Variants in GANAB observed in about 807,000 individuals in gnomAD.
GANAB encodes the protein neutral alpha-glucosidase AB.
GANAB carries 35 observed loss-of-function variants against 129.9 expected under a neutral mutation model. The observed-to-expected ratio is 0.27, with a 90% CI of 0.21 to 0.36. The LOEUF (loss-of-function observed/expected upper bound fraction) is 0.36, where lower values mean the gene tolerates loss of function less well. GANAB is among the 10% of genes least tolerant of loss of function. GANAB has a pLI of 1.00. For missense variants in GANAB, 939 were observed against 1,221.0 expected (o/e 0.77, Z 3.44); for synonymous variants, 482 against 451.8 (o/e 1.07, Z -0.85).
At chr11:62,639,984 C>T in intron 1 of GANAB, 1 of 434,028 alleles carries the variant, frequency 2.3e-6, no homozygotes, top group African/African-American at 2.0e-5. Flanking sequence ...TCCTGTAATC[C>T]CAGCACTTTG....
Position 62,638,995 on chromosome 11 carries a change from G to A in GANAB, c.368C>T (p.Pro123Leu), listed in dbSNP as rs1944093961. 2 of 1,613,772 alleles carry A rather than the reference G, an allele frequency of 1.2e-6. No homozygotes were observed. Among genetic ancestry groups the A allele is most frequent in the South Asian group, 2.2e-5 (2 of 91,056 alleles). The change falls in exon 4 of 24, where the codon CCA (proline) becomes CTA (leucine). Residue 123 changes from proline to leucine, a missense_variant. Physicochemically the swap from Pro to Leu is moderately conservative, Grantham distance 98 (BLOSUM62 -3). Around this residue, in one of 5 missense-constraint regions of GANAB, gnomAD observed 321 missense variants for 329.1 expected, o/e 0.98. Transcript: ENST00000356638. ...AGGAAAAATTTACCGGGCTATTGGT[G>A]GATCAGCCACCAAAACATCTGGTAC... is the stretch of plus-strand genomic sequence containing the variant. Reference protein sequence around the residue: ...YRVPDVLVADPPIARLSVSGR... With the variant: ...YRVPDVLVADLPIARLSVSGR...
At chr11:62,640,532 C>CAA (rs1944198868) in intron 1 of GANAB, among the ~76,000 whole-genome samples, 3 of 18,388 alleles carry the variant, frequency 1.6e-4, no homozygotes, top group South Asian at 3.4e-3. Flanking sequence ...GACTCCATCT[C>CAA]CAAAAAAAAA....
chr11:62,635,121 G>A, intron 4 of GANAB, 121 bp from the exon 5 acceptor site: 2 of 628,512 alleles, frequency 3.2e-6, no homozygotes, highest in Non-Finnish European at 5.6e-6. Context: ...AACAGAGCAG[G>A]GATAGACAAG....
At chr11:62,645,205 C>T (rs1440646559) in intron 1 of GANAB, among the ~76,000 whole-genome samples, 1 of 152,164 alleles carries the variant, frequency 6.6e-6, no homozygotes, top group Non-Finnish European at 1.5e-5. Context: ...TGGCCACTGA[C>T]CCACGTCCAC....
At chr11:62,631,002 G>A (rs1250977499) in intron 10 of GANAB, 28 bp downstream of exon 10, 2 of 1,585,326 alleles carry the variant, frequency 1.3e-6, no homozygotes, top group South Asian at 1.1e-5. Flanking sequence ...GAAAAGAGCA[G>A]AAGAATGAGG....
At position 62,639,242 on chromosome 11, in the gene GANAB, TAAAGTA is replaced by T. The variant is rs1565107561; in HGVS notation, c.252+111_252+116del. 2.3e-6 allele frequency: 3 copies of T among 1,313,408 alleles called. No homozygotes were observed. In the African/African-American group the frequency reaches 4.4e-5, roughly 19 times the overall value. 81.4% of individuals were successfully genotyped at this position (1,313,408 alleles called of 1,614,324 possible). Reference sequence around the variant, plus strand: ...TAAAGGCCAAGATCACATTTCTTCATAAAGTAAAAGTCCAAAGATTAGGCTGGGACA... The same window carrying T: ...TAAAGGCCAAGATCACATTTCTTCATAAAGTCCAAAGATTAGGCTGGGACA... On this transcript the variant is annotated intron_variant, in intron 3 of 23. Coordinates refer to ENST00000356638, the MANE Select transcript of GANAB (RefSeq NM_198334.3).
Position 62,629,822 on chromosome 11 carries a change from G to A in GANAB, c.1729C>T (p.Leu577Phe). Residue 577 changes from leucine (L) to phenylalanine (F), a missense_variant, in exon 14 of 24, where the codon CTT becomes TTT. This residue lies in a region of GANAB where 147 missense variants were observed against 282.4 expected (regional missense o/e 0.52). Coordinates refer to ENST00000356638, the MANE Select transcript of GANAB (RefSeq NM_198334.3). ...EHRDVHNIYG[L>F]YVHMATADGL... Reference sequence around the variant, plus strand: ...CTCTCTCAGGCCCTTACCACATAAAGGCCATAGATGTTATGCACATCCCGG... The same window carrying A: ...CTCTCTCAGGCCCTTACCACATAAAAGCCATAGATGTTATGCACATCCCGG... The A allele has an allele frequency of 6.2e-7, 1 of 1,614,186 alleles. No individual in the cohort carries two copies. Among genetic ancestry groups the A allele is most frequent in the Non-Finnish European group, 8.5e-7 (1 of 1,180,030 alleles).
chr11:62,625,969 T>C lies in GANAB; in HGVS notation c.2726-45A>G, dbSNP rs145162136. On this transcript the variant is annotated intron_variant, in intron 23 of 23. Coordinates refer to ENST00000356638, the MANE Select transcript of GANAB (RefSeq NM_198334.3). ...GTGCCATAGTCATACCAATGGGCTATAGCATAACAACAACGTTCCTACAGG... is the reference window on the plus strand; with the variant it reads ...GTGCCATAGTCATACCAATGGGCTACAGCATAACAACAACGTTCCTACAGG... 697 of 1,475,286 alleles carry C rather than the reference T, an allele frequency of 4.7e-4. 5 individuals are homozygous for C. In the African/African-American group the frequency reaches 7.3e-3, roughly 15 times the overall value. 91.4% of individuals were successfully genotyped at this position (1,475,286 alleles called of 1,614,324 possible). A position where few individuals can be genotyped will look rare whatever the true frequency, so the allele number is the denominator to read the frequency against.
chr11:62,625,776 G>T lies in GANAB; in HGVS notation c.*39C>A. 1.6e-6 allele frequency: 2 copies of T among 1,226,214 alleles called. No individual in the cohort carries two copies. Among genetic ancestry groups the T allele is most frequent in the Non-Finnish European group, 2.4e-6 (2 of 827,636 alleles). 76.0% of individuals were successfully genotyped at this position (1,226,214 alleles called of 1,614,324 possible). On this transcript the variant is annotated 3_prime_UTR_variant, in exon 24 of 24. Transcript: ENST00000356638. ...AGAAAGAATATCTCTCAGCACTAAT[G>T]CTCCCCTTCCCTCCCCCTAACCCAG...
Position 62,627,111 on chromosome 11 carries a change from C to G in GANAB, c.2259G>C (p.Leu753=). The change falls in exon 19 of 24, where the codon CTG becomes CTC. Residue 753 remains leucine (L), a synonymous_variant. Coordinates refer to ENST00000356638, the MANE Select transcript of GANAB (RefSeq NM_198334.3). ...CTCCAGAGTCTGATACAGGGTGAAC[C>G]AGCAACGCATCCCCTAAAATATGCC... ...DDQYLLGDAL[L]VHPVSDSGAH... 3 of 1,613,600 alleles carry G rather than the reference C, an allele frequency of 1.9e-6. No homozygotes were observed. Among genetic ancestry groups the G allele is most frequent in the Non-Finnish European group, 2.5e-6 (3 of 1,179,534 alleles).
rs201994619 is a variant in GANAB at position 62,627,093 on chromosome 11, G to A, written c.2277C>T (p.Asp759=). Residue 759 remains aspartate, a synonymous_variant, in exon 19 of 24, where the codon GAC becomes GAT. Coordinates refer to ENST00000356638, the MANE Select transcript of GANAB (RefSeq NM_198334.3). ...AGACCTGGACACCATGGGCTCCAGAGTCTGATACAGGGTGAACCAGCAACG... is the reference window on the plus strand; with the variant it reads ...AGACCTGGACACCATGGGCTCCAGAATCTGATACAGGGTGAACCAGCAACG... ...GDALLVHPVS[D]SGAHGVQVYL... 2.0e-4 allele frequency: 322 copies of A among 1,613,934 alleles called. 2 individuals carry two copies. In the South Asian group the frequency reaches 3.5e-3, roughly 17 times the overall value.
At position 62,635,013 on chromosome 11, in the gene GANAB, T is replaced by C. The variant is rs967175292; in HGVS notation, c.381-13A>G. The C allele has an allele frequency of 1.3e-6, 2 of 1,599,466 alleles. No individual in the cohort carries two copies. The highest frequency in any genetic ancestry group is 1.7e-6 in the Non-Finnish European group (2 of 1,168,310). On this transcript the variant is annotated splice_polypyrimidine_tract_variant and intron_variant, in intron 4 of 23. Coordinates refer to ENST00000356638, the MANE Select transcript of GANAB (RefSeq NM_198334.3). ...AGAGACAGAAAGCCTGGGAAACATA[T>C]CAAAAGAAATATAAGGAAGTACAAA...
At chr11:62,643,658 A>G (rs1156458494) in intron 1 of GANAB, among the ~76,000 whole-genome samples, 2 of 152,046 alleles carry the variant, frequency 1.3e-5, no homozygotes, top group Non-Finnish European at 2.9e-5. Flanking sequence ...AAATAGATAT[A>G]TACAAAAATT....
intron 1 of GANAB, among the ~76,000 whole-genome samples, chr11:62,644,837 CAAAT>C (rs775241104): frequency 1.5e-4 from 22 of 150,894 alleles, no homozygotes; most frequent in Non-Finnish European, 2.1e-4. Context: ...AGTAAACAAA[CAAAT>C]AAATAAATAA....
intron 1 of GANAB, among the ~76,000 whole-genome samples, chr11:62,640,804 G>C (rs912818502): frequency 8.2e-6 from 1 of 121,480 alleles, no homozygotes; most frequent in African/African-American, 3.2e-5. Context: ...CTGCACTCCA[G>C]CCTGGGCGAC....
chr11:62,628,527 T>G (rs991243515), intron 17 of GANAB, among the ~76,000 whole-genome samples: 21 of 152,178 alleles, frequency 1.4e-4, no homozygotes, highest in African/African-American at 5.1e-4. Context: ...AAAGGGATTT[T>G]ATGACCACCT....
At chr11:62,635,160 A>C (rs918880956) in intron 4 of GANAB, among the ~76,000 whole-genome samples, 160 bp from the exon 5 acceptor site, 10 of 152,164 alleles carry the variant, frequency 6.6e-5, no homozygotes, top group South Asian at 2.1e-4. Flanking sequence ...GGGCCCAGAA[A>C]CAGACCCAAG....
At chr11:62,645,862 C>T (rs1334212008) in intron 1 of GANAB, among the ~76,000 whole-genome samples, 2 of 152,228 alleles carry the variant, frequency 1.3e-5, no homozygotes, top group Non-Finnish European at 2.9e-5. Context: ...CCCAGTATAT[C>T]CGTTAGGTCC....
Position 62,634,886 on chromosome 11 carries a change from A to T in GANAB, c.495T>A (p.Ser165Arg), listed in dbSNP as rs1386305050. ...PFRLDLLEDR[S>R]LLLSVNARGL... ...CTCGGGCATTGACACTAAGCAAAAG[A>T]CTTCGGTCCTCTAGTAGGTCAAGGC... The change falls in exon 5 of 24, where the codon AGT (serine) becomes AGA (arginine). Residue 165 changes from serine (S) to arginine (R), a missense_variant. This residue lies in a region of GANAB where 321 missense variants were observed against 329.1 expected (regional missense o/e 0.98). Coordinates refer to ENST00000356638, the MANE Select transcript of GANAB (RefSeq NM_198334.3). 3 of 1,613,864 alleles carry T rather than the reference A, an allele frequency of 1.9e-6. No individual in the cohort carries two copies. The African/African-American group carries it at 4.0e-5, about 22-fold the overall frequency.
Sources: gnomAD v4.1 joint callset for allele counts (sites outside exome capture counted in the v4.1 genomes callset) on GRCh38, gnomAD v4.1.1 for gene constraint, gnomAD v4.1.1 regional missense constraint, MANE v1.5 for transcripts, NCBI Gene and HGNC (gene_info 2026-07-23, HGNC 2026-07-21) for gene names.